ZMAT4: variants seen among roughly 807,000 people sequenced by gnomAD.
The protein encoded by ZMAT4 is zinc finger matrin-type protein 4.
ZMAT4 carries 17 observed loss-of-function variants against 28.7 expected under a neutral mutation model. The ratio of observed to expected loss-of-function variants is 0.59; its 90% CI spans 0.41 to 0.89. The LOEUF (loss-of-function observed/expected upper bound fraction) is 0.89, where lower values mean the gene tolerates loss of function less well. ZMAT4 is among the 40% of genes least tolerant of loss of function. ZMAT4 has a pLI of 0.00. For missense variants in ZMAT4, 240 were observed against 283.8 expected, an observed-to-expected ratio of 0.85 and a Z score of 1.11; for synonymous variants, 117 against 109.2, an observed-to-expected ratio of 1.07 and a Z score of -0.44.
At position 40,830,385 on chromosome 8, in the gene ZMAT4, C is replaced by T. The variant is rs1000021379; in HGVS notation, c.-4-4705G>A. 3.3e-5 allele frequency among the ~76,000 whole-genome samples: 5 copies of T among 152,228 alleles called. No homozygotes were observed. The South Asian group carries it at 6.2e-4, about 19-fold the overall frequency. ...GTCCTTCTCTCCACCTTTATGTCTA[C>T]GTGTACCCATTGTTTAGCTCCCACT... is the stretch of plus-strand genomic sequence containing the variant. On this transcript the variant is annotated intron_variant, in intron 1 of 6. Coordinates refer to ENST00000297737, the MANE Select transcript of ZMAT4 (RefSeq NM_024645.3).
chr8:40,668,157 TC>T (rs1248193165), intron 5 of ZMAT4, among the ~76,000 whole-genome samples: 1 of 151,934 alleles, frequency 6.6e-6, no homozygotes, highest in Non-Finnish European at 1.5e-5. Flanking sequence ...GCAGAAGAGT[TC>T]CCAGGCATCA....
intron 6 of ZMAT4, 78 bp from the exon 7 acceptor site, chr8:40,532,316 C>G: frequency 2.2e-6 from 3 of 1,336,592 alleles, no homozygotes; most frequent in Non-Finnish European, 3.1e-6. Flanking sequence ...CCCCCACCCC[C>G]TGTCTCTCTT....
intron 6 of ZMAT4, among the ~76,000 whole-genome samples, chr8:40,539,170 TC>T (rs1340224521): frequency 2.0e-5 from 3 of 152,206 alleles, no homozygotes; most frequent in African/African-American, 7.2e-5. Context: ...TGTGTCCTCT[TC>T]AAGGAAGCCT....
intron 2 of ZMAT4, among the ~76,000 whole-genome samples, chr8:40,781,761 C>CAAAAAAAAAAA (rs59432510): frequency 6.8e-4 from 26 of 38,514 alleles, no homozygotes; most frequent in South Asian, 1.0e-3. Context: ...GACTCCGTCT[C>CAAAAAAAAAAA]AAAAAAAAAA....
chr8:40,762,224 C>T (rs541871226), intron 3 of ZMAT4, among the ~76,000 whole-genome samples: 9 of 152,304 alleles, frequency 5.9e-5, no homozygotes, highest in African/African-American at 2.2e-4. Context: ...TCATATCAAC[C>T]TAGGACATGC....
intron 6 of ZMAT4, among the ~76,000 whole-genome samples, chr8:40,556,721 G>A (rs921025321): frequency 1.3e-5 from 2 of 152,064 alleles, no homozygotes; most frequent in African/African-American, 4.8e-5. Context: ...AATATTTTAC[G>A]TATCTATGGG....
intron 1 of ZMAT4, among the ~76,000 whole-genome samples, chr8:40,827,919 C>T (rs1397432517): frequency 2.0e-5 from 3 of 152,208 alleles, no homozygotes; most frequent in East Asian, 3.8e-4. Flanking sequence ...TACAACATGG[C>T]ACCACACCAG....
At chr8:40,844,642 A>C in intron 1 of ZMAT4, among the ~76,000 whole-genome samples, 1 of 142,286 alleles carries the variant, frequency 7.0e-6, no homozygotes, top group Admixed American at 7.4e-5. Flanking sequence ...CTCTCTCTGC[A>C]TGCTCTCTCT....
chr8:40,772,984 C>T (rs1171504728), intron 2 of ZMAT4, among the ~76,000 whole-genome samples: 1 of 152,132 alleles, frequency 6.6e-6, no homozygotes, highest in Non-Finnish European at 1.5e-5. Flanking sequence ...CTGGCAAAAC[C>T]CCAGGAAGCA....
intron 5 of ZMAT4, among the ~76,000 whole-genome samples, chr8:40,651,195 A>T (rs1293061876): frequency 2.6e-5 from 4 of 151,994 alleles, no homozygotes; most frequent in Non-Finnish European, 4.4e-5. Flanking sequence ...CTCAGCCCAA[A>T]ATCTCCTTAA....
Position 40,814,161 on chromosome 8 carries a change from T to A in ZMAT4, c.102+11414A>T, listed in dbSNP as rs116629217. On this transcript the variant is annotated intron_variant, in intron 2 of 6. Coordinates refer to ENST00000297737, the MANE Select transcript of ZMAT4 (RefSeq NM_024645.3). ...TCCACTCAAAATTAAATCATCTTAG[T>A]ATAGAAGACTGAGGAAACTAATTAA... Among the ~76,000 whole-genome samples the A allele has an allele frequency of 4.9e-3, 750 of 152,316 alleles. 9 individuals are homozygous for A. Among genetic ancestry groups the A allele is most frequent in the African/African-American group, 0.017 (712 of 41,572 alleles).
At chr8:40,820,707 G>C (rs1357430927) in intron 2 of ZMAT4, among the ~76,000 whole-genome samples, 1 of 1,968 alleles carries the variant, frequency 5.1e-4, no homozygotes, top group Admixed American at 5.7e-3. Context: ...ATGTTTATGT[G>C]TGTATGGGTA....
intron 1 of ZMAT4, among the ~76,000 whole-genome samples, chr8:40,856,194 C>T (rs369310704): frequency 2.9e-4 from 44 of 152,190 alleles, no homozygotes; most frequent in Admixed American, 2.2e-3. Context: ...AAACAGATGG[C>T]GAGCTTTTCT....
chr8:40,562,432 A>C (rs1239759862), intron 6 of ZMAT4, among the ~76,000 whole-genome samples: 1 of 152,014 alleles, frequency 6.6e-6, no homozygotes, highest in East Asian at 1.9e-4. Flanking sequence ...AATTCCAAAA[A>C]AGACTACTTT....
intron 2 of ZMAT4, among the ~76,000 whole-genome samples, chr8:40,805,764 G>A (rs943856817): frequency 1.3e-4 from 17 of 133,438 alleles, no homozygotes; most frequent in Non-Finnish European, 2.6e-4. Flanking sequence ...ACAGGAAGGG[G>A]AACATCACAC....
intron 2 of ZMAT4, among the ~76,000 whole-genome samples, chr8:40,793,078 TGA>T (rs1353508703): frequency 8.5e-5 from 13 of 152,122 alleles, no homozygotes; most frequent in African/African-American, 3.1e-4. Flanking sequence ...GAGTGAGCCC[TGA>T]GCGCAACAGT....
At chr8:40,846,621 G>A (rs760215494) in intron 1 of ZMAT4, among the ~76,000 whole-genome samples, 1 of 152,152 alleles carries the variant, frequency 6.6e-6, no homozygotes, top group East Asian at 1.9e-4. Context: ...CCCCCTTGGC[G>A]TCCCCGTTTC....
chr8:40,786,887 T>C (rs1005959814), intron 2 of ZMAT4: 4 of 411,106 alleles, frequency 9.7e-6, no homozygotes, highest in African/African-American at 6.3e-5. Context: ...AATGTAATTT[T>C]GGATTCAGTT....
Position 40,825,572 on chromosome 8 carries a change from T to G in ZMAT4, c.102+3A>C. On this transcript the variant is annotated splice_donor_region_variant and intron_variant, in intron 2 of 6. Transcript: ENST00000297737. ...CAAACAGAGTGGGAAACGCTGTCCT[T>G]ACCTCGTAGTGGGCCACACGCTGCG... 3 of 1,551,654 alleles carry G rather than the reference T, an allele frequency of 1.9e-6. No individual in the cohort carries two copies. Among genetic ancestry groups the G allele is most frequent in the Non-Finnish European group, 2.6e-6 (3 of 1,147,000 alleles).
Sources: allele counts gnomAD v4.1 joint callset (sites outside exome capture counted in the v4.1 genomes callset), GRCh38; gene constraint gnomAD v4.1.1; transcripts MANE v1.5; gene names NCBI Gene and HGNC (gene_info 2026-07-23, HGNC 2026-07-21).